MACF1: variants seen among roughly 807,000 people sequenced by gnomAD.
MACF1 encodes microtubule actin crosslinking factor 1.
In MACF1, 193 loss-of-function variants were observed where a neutral mutation model predicts 854.8. The ratio of observed to expected loss-of-function variants is 0.23; its 90% confidence interval spans 0.20 to 0.25. MACF1 has a LOEUF of 0.25. Ranked by LOEUF, MACF1 falls within the 10% of genes least tolerant of loss-of-function variation. The pLI is 1.00. For missense variants in MACF1, 7,722 were observed against 8,929.1 expected, an observed-to-expected ratio of 0.86 and a Z score of 5.45; for synonymous variants, 3,185 against 3,226.7, an observed-to-expected ratio of 0.99 and a Z score of 0.44.
At chr1:39,133,054 TA>T (rs1643050178) in intron 2 of MACF1, among the ~76,000 whole-genome samples, 2 of 152,184 alleles carry the variant, frequency 1.3e-5, no homozygotes, top group African/African-American at 4.8e-5. Context: ...GGAGAGCAAC[TA>T]TTAGTCCCTG....
chr1:39,139,232 G>A (rs1264342691), intron 2 of MACF1, among the ~76,000 whole-genome samples: 2 of 151,636 alleles, frequency 1.3e-5, no homozygotes, highest in Non-Finnish European at 2.9e-5. Context: ...CTTATGGGGG[G>A]AAATTGAACA....
intron 94 of MACF1, 170 bp from the exon 95 acceptor site, chr1:39,464,925 A>AG (rs1644632747): frequency 3.1e-6 from 2 of 636,662 alleles, no homozygotes; most frequent in African/African-American, 3.7e-5. Context: ...AAAAAAAAAA[A>AG]ATTAAAACCA....
chr1:39,452,244 A>G lies in MACF1; in HGVS notation c.20507A>G (p.Asp6836Gly). 1 of 1,614,170 alleles carries G rather than the reference A, an allele frequency of 6.2e-7. No individual in the cohort carries two copies. The highest frequency in any genetic ancestry group is 2.2e-5 in the East Asian group (1 of 44,878). Residue 6836 changes from aspartate (D) to glycine (G), a missense_variant, in exon 86 of 101, where the codon GAC becomes GGC. By Grantham distance (94) the Asp-to-Gly change is moderately conservative. Coordinates refer to ENST00000564288, the MANE Select transcript of MACF1 (RefSeq NM_001394062.1). ...GAGCTGATTGAGAATAGTCGAGATG[A>G]CACCACTTGGGTAAAAGGACAGCTC... ...GRELIENSRD[D>G]TTWVKGQLQE...
chr1:39,442,246 G>A lies in MACF1; in HGVS notation c.18874G>A (p.Asp6292Asn). 1 of 1,610,270 alleles carries A rather than the reference G, an allele frequency of 6.2e-7. No homozygotes were observed. The highest frequency in any genetic ancestry group is 8.5e-7 in the Non-Finnish European group (1 of 1,178,912). The change falls in exon 76 of 101, where the codon GAC becomes AAC. Residue 6292 changes from aspartate (D) to asparagine (N), a missense_variant. Coordinates refer to ENST00000564288, the MANE Select transcript of MACF1 (RefSeq NM_001394062.1). ...GAAAGCTACTGATGAGACGGACAGA[G>A]ACATTATACGAGAACCACTGACAGA... ...LKKATDETDR[D>N]IIREPLTELK...
Position 39,379,342 on chromosome 1 carries a change from G to A in MACF1, c.13416G>A (p.Val4472=). ...AGGTTCACAAGGAGGCAAACTCTGT[G>A]CTGCAGTGGCTGGAATCAAAAGAGG... ...MEEVHKEANS[V]LQWLESKEEV... is the part of the protein sequence containing the mutation. The change falls in exon 54 of 101, where the codon GTG becomes GTA. Residue 4472 remains valine, a synonymous_variant. Transcript: ENST00000564288. The A allele has an allele frequency of 6.2e-7, 1 of 1,614,166 alleles. No homozygotes were observed. The highest frequency in any genetic ancestry group is 8.5e-7 in the Non-Finnish European group (1 of 1,180,020).
At chr1:39,231,998 TG>T (rs1450526101) in intron 2 of MACF1, among the ~76,000 whole-genome samples, 11 of 151,286 alleles carry the variant, frequency 7.3e-5, no homozygotes, top group Non-Finnish European at 1.5e-4. Flanking sequence ...ATTTCCAGAA[TG>T]GTTAGGGCTG....
intron 1 of MACF1, among the ~76,000 whole-genome samples, chr1:39,225,539 C>T (rs2148296416): frequency 6.6e-6 from 1 of 152,200 alleles, no homozygotes; most frequent in Admixed American, 6.5e-5. Context: ...CTAATTTAAG[C>T]CTTCTAATTC....
chr1:39,145,596 A>T (rs1279472096), intron 2 of MACF1, among the ~76,000 whole-genome samples: 2 of 152,108 alleles, frequency 1.3e-5, no homozygotes, highest in Admixed American at 6.6e-5. Flanking sequence ...ACTATAGCCA[A>T]GGTTTGTGCC....
intron 6 of MACF1, among the ~76,000 whole-genome samples, chr1:39,274,236 T>G (rs1047443111): frequency 6.6e-6 from 1 of 151,574 alleles, no homozygotes; most frequent in Non-Finnish European, 1.5e-5. Flanking sequence ...AAAATGAAAT[T>G]AAAAAATAAA....
chr1:39,116,654 C>T (rs1188371811), intron 2 of MACF1, among the ~76,000 whole-genome samples: 1 of 152,124 alleles, frequency 6.6e-6, no homozygotes, highest in Non-Finnish European at 1.5e-5. Context: ...TTGTCTACTC[C>T]TCTGGGAAGA....
rs147866325 is a variant in MACF1, at chr1:39,288,173, A to G, written c.1785+611A>G. 5.7e-3 allele frequency among the ~76,000 whole-genome samples: 867 copies of G among 152,308 alleles called. 6 individuals are homozygous for G. The highest frequency in any genetic ancestry group is 0.02 in the African/African-American group (835 of 41,578). On this transcript the variant is annotated intron_variant, in intron 15 of 100. Transcript: ENST00000564288. ...AAATTTATCCTTTGTGTTACAGACA[A>G]TCCAGTTATACTCTTTTAGTTATTT...
At chr1:39,336,756 C>T (rs1015310879) in intron 37 of MACF1, 103 bp downstream of exon 37, 14 of 1,053,346 alleles carry the variant, frequency 1.3e-5, no homozygotes, top group Non-Finnish European at 1.9e-5. Flanking sequence ...TTGTATGCCT[C>T]TATACATTTT....
At chr1:39,245,995 C>T (rs1644977478) in intron 2 of MACF1, among the ~76,000 whole-genome samples, 1 of 152,192 alleles carries the variant, frequency 6.6e-6, no homozygotes, top group Non-Finnish European at 1.5e-5. Context: ...AGTTAAAAAA[C>T]TTTCTTAGTC....
chr1:39,425,977 A>G lies in MACF1; in HGVS notation c.16317-1478A>G, dbSNP rs565597929. ...TTAAATAGAAACAAATAACAAGAGTAGATATTTGATGCTTCTAAATTATTT... is the reference window on the plus strand; with the variant it reads ...TTAAATAGAAACAAATAACAAGAGTGGATATTTGATGCTTCTAAATTATTT... On this transcript the variant is annotated intron_variant, in intron 61 of 100. Transcript: ENST00000564288. Among the ~76,000 whole-genome samples, 4 of 152,340 alleles carry G rather than the reference A, an allele frequency of 2.6e-5. No individual in the cohort carries two copies. In the East Asian group the frequency reaches 7.7e-4, roughly 29 times the overall value.
chr1:39,414,495 TTCTGGGAAGGG>T (rs768083215), intron 58 of MACF1: 37 of 1,613,820 alleles, frequency 2.3e-5, no homozygotes, highest in Non-Finnish European at 3.1e-5. Context: ...TCCATTTTGA[TTCTGGGAAGGG>T]TCTAAAGAGT....
intron 2 of MACF1, among the ~76,000 whole-genome samples, chr1:39,198,612 T>C (rs1405644083): frequency 1.4e-5 from 2 of 146,814 alleles, no homozygotes; most frequent in East Asian, 4.0e-4. Context: ...GATCACGCCA[T>C]TGCACTCCAG....
chr1:39,268,711 T>G, intron 6 of MACF1: 1 of 1,279,798 alleles, frequency 7.8e-7, no homozygotes, highest in South Asian at 1.3e-5. Flanking sequence ...GGAAATTCAC[T>G]GGGCTGTTTT....
chr1:39,309,375 G>A (rs1190403937), intron 23 of MACF1, among the ~76,000 whole-genome samples, 195 bp from the exon 24 acceptor site: 8 of 151,914 alleles, frequency 5.3e-5, no homozygotes, highest in African/African-American at 1.9e-4. Flanking sequence ...TGTGATTACA[G>A]GCATGAGCTA....
chr1:39,474,675 C>G (rs1644841949), intron 97 of MACF1, among the ~76,000 whole-genome samples: 1 of 152,124 alleles, frequency 6.6e-6, no homozygotes, highest in African/African-American at 2.4e-5. Context: ...GCCTGGGCAA[C>G]AGAACAAGAC....
Sources: gnomAD v4.1 joint callset for allele counts (sites outside exome capture counted in the v4.1 genomes callset) on GRCh38, gnomAD v4.1.1 for gene constraint, MANE v1.5 for transcripts, NCBI Gene and HGNC (gene_info 2026-07-23, HGNC 2026-07-21) for gene names.